The following NRXN3 variants were observed in gnomAD, a reference collection of about 807,000 sequenced individuals.
The protein encoded by NRXN3 is neurexin 3, also known as neurexin III.
NRXN3 carries 32 observed loss-of-function variants against 137.6 expected under a neutral mutation model. The observed-to-expected ratio is 0.23, with a 90% CI of 0.18 to 0.31. The LOEUF (loss-of-function observed/expected upper bound fraction) is 0.31, where lower values mean the gene tolerates loss of function less well. Ranked by LOEUF, NRXN3 falls within the 10% of genes least tolerant of loss-of-function variation. The pLI is 1.00. For missense variants in NRXN3, 1,574 were observed against 2,062.5 expected, an observed-to-expected ratio of 0.76 and a Z score of 4.59; for synonymous variants, 798 against 784.5, an observed-to-expected ratio of 1.02 and a Z score of -0.29.
chr14:79,191,968 A>G (rs1454961652), intron 15 of NRXN3, among the ~76,000 whole-genome samples: 1 of 152,050 alleles, frequency 6.6e-6, no homozygotes, highest in Non-Finnish European at 1.5e-5. Context: ...GACAGTGCTT[A>G]CTAGATGCTG....
intron 16 of NRXN3, among the ~76,000 whole-genome samples, chr14:79,534,686 GA>G (rs969079348): frequency 4.0e-5 from 6 of 149,604 alleles, no homozygotes; most frequent in Non-Finnish European, 5.9e-5. Flanking sequence ...AAACAAACCA[GA>G]AAAAAAAAAT....
At chr14:78,442,209 G>C (rs1248509784) in intron 4 of NRXN3, among the ~76,000 whole-genome samples, 1 of 151,428 alleles carries the variant, frequency 6.6e-6, no homozygotes, top group Non-Finnish European at 1.5e-5. Flanking sequence ...AGACGTCACG[G>C]TAAGCAGAGA....
chr14:79,624,169 G>A (rs185071455), intron 16 of NRXN3, among the ~76,000 whole-genome samples: 9 of 152,222 alleles, frequency 5.9e-5, no homozygotes, highest in South Asian at 2.1e-4. Flanking sequence ...GCCACTGATC[G>A]AGATTAAAAA....
Position 79,253,965 on chromosome 14 carries a change from G to A in NRXN3, c.3263-213256G>A, listed in dbSNP as rs967257824. Among the ~76,000 whole-genome samples the A allele has an allele frequency of 3.3e-5, 5 of 152,318 alleles. No individual in the cohort carries two copies. In the South Asian group the frequency reaches 1.0e-3, roughly 32 times the overall value. On this transcript the variant is annotated intron_variant, in intron 15 of 20. Transcript: ENST00000335750. ...ATACATTTGTAAGTTCATAGTTTCA[G>A]CTTATGAACTAGCTCTTATTTGATC...
At chr14:78,924,729 A>T (rs1002714447) in intron 10 of NRXN3, among the ~76,000 whole-genome samples, 1 of 152,206 alleles carries the variant, frequency 6.6e-6, no homozygotes, top group African/African-American at 2.4e-5. Context: ...TTGAAATTTA[A>T]AAGTTTTCAG....
intron 17 of NRXN3, among the ~76,000 whole-genome samples, chr14:79,680,987 G>A (rs975846504): frequency 2.6e-5 from 4 of 152,122 alleles, no homozygotes; most frequent in Non-Finnish European, 4.4e-5. Flanking sequence ...GATCAGAGAA[G>A]CATCAACACA....
intron 16 of NRXN3, among the ~76,000 whole-genome samples, chr14:79,560,864 C>G (rs1602117925): frequency 6.6e-6 from 1 of 151,978 alleles, no homozygotes. Context: ...TTAAAGATAC[C>G]CCACCAAAGA....
At chr14:79,612,718 G>T (rs1007079661) in intron 16 of NRXN3, among the ~76,000 whole-genome samples, 2 of 152,092 alleles carry the variant, frequency 1.3e-5, no homozygotes, top group African/African-American at 4.8e-5. Context: ...TAGTGTGGTG[G>T]CACATGCCTG....
At chr14:79,669,856 TTTTTTTGTTTG>T (rs1453908982) in intron 17 of NRXN3, among the ~76,000 whole-genome samples, 1 of 152,004 alleles carries the variant, frequency 6.6e-6, no homozygotes, top group African/African-American at 2.4e-5. Flanking sequence ...GGCCCAGGCA[TTTTTTTGTTTG>T]TTTTTTGTTG....
chr14:78,766,090 C>T (rs918454320), intron 8 of NRXN3, among the ~76,000 whole-genome samples: 4 of 152,230 alleles, frequency 2.6e-5, no homozygotes, highest in Non-Finnish European at 4.4e-5. Context: ...TGAGAGAACT[C>T]GGTCTAGGTT....
chr14:79,379,932 T>C (rs2094417066), intron 15 of NRXN3, among the ~76,000 whole-genome samples: 2 of 152,036 alleles, frequency 1.3e-5, no homozygotes, highest in Admixed American at 1.3e-4. Flanking sequence ...GTACATTCTC[T>C]TGGGTATAAG....
At chr14:79,858,203 T>C (rs1219615234) in intron 20 of NRXN3, among the ~76,000 whole-genome samples, 1 of 151,660 alleles carries the variant, frequency 6.6e-6, no homozygotes, top group Non-Finnish European at 1.5e-5. Flanking sequence ...GAGAGGGAGA[T>C]AGCAAAGTAA....
chr14:79,033,344 C>T (rs1387058276), intron 15 of NRXN3, among the ~76,000 whole-genome samples: 10 of 152,132 alleles, frequency 6.6e-5, no homozygotes, highest in Non-Finnish European at 1.5e-5. Flanking sequence ...TGTCACCTGG[C>T]ACAGTACCTG....
chr14:79,821,169 G>A (rs1403590391), intron 20 of NRXN3, among the ~76,000 whole-genome samples: 2 of 152,156 alleles, frequency 1.3e-5, no homozygotes, highest in African/African-American at 2.4e-5. Flanking sequence ...AGGAAAACAA[G>A]GGTAAATTAG....
intron 4 of NRXN3, among the ~76,000 whole-genome samples, chr14:78,575,764 T>G (rs2096930344): frequency 6.6e-6 from 1 of 152,082 alleles, no homozygotes; most frequent in Non-Finnish European, 1.5e-5. Flanking sequence ...TGGTGATAAT[T>G]TCAAGTTTAG....
chr14:78,622,844 A>G (rs1280310716), intron 4 of NRXN3, among the ~76,000 whole-genome samples: 1 of 152,230 alleles, frequency 6.6e-6, no homozygotes, highest in Non-Finnish European at 1.5e-5. Flanking sequence ...GCTTTATCTT[A>G]AAAGTTGTTG....
chr14:78,483,321 C>T (rs1271090602), intron 4 of NRXN3, among the ~76,000 whole-genome samples: 1 of 152,194 alleles, frequency 6.6e-6, no homozygotes, highest in Non-Finnish European at 1.5e-5. Context: ...GAATTAGCAA[C>T]TCTTAAATTT....
intron 4 of NRXN3, among the ~76,000 whole-genome samples, chr14:78,626,662 C>T (rs1466810411): frequency 6.6e-6 from 1 of 152,128 alleles, no homozygotes; most frequent in Non-Finnish European, 1.5e-5. Flanking sequence ...AAGCAATTTG[C>T]CAAGTAGTGA....
intron 4 of NRXN3, among the ~76,000 whole-genome samples, chr14:78,578,981 G>C (rs985820785): frequency 9.9e-5 from 15 of 151,954 alleles, no homozygotes; most frequent in African/African-American, 3.6e-4. Flanking sequence ...TGCCCTGGAA[G>C]CTGAGGTTTT....
Sources: gnomAD v4.1 joint callset for allele counts (sites outside exome capture counted in the v4.1 genomes callset) on GRCh38, gnomAD v4.1.1 for gene constraint, MANE v1.5 for transcripts, NCBI Gene and HGNC (gene_info 2026-07-23, HGNC 2026-07-21) for gene names.